The following TTLL12 variants were observed in gnomAD, a reference collection of about 807,000 sequenced individuals.
TTLL12 encodes the protein tubulin tyrosine ligase like 12, also known as tubulin--tyrosine ligase-like protein 12.
A neutral mutation model predicts 79.6 loss-of-function variants in TTLL12; 77 were observed. The observed-to-expected ratio is 0.97, with a 90% CI of 0.81 to 1.17. The LOEUF is 1.17. Among genes scored for constraint, TTLL12 ranks in the 50% most tolerant of loss-of-function variants. The probability of loss-of-function intolerance (pLI) is 0.00; values close to 1 mark genes in which losing one functional copy is unlikely to be tolerated. For synonymous variants in TTLL12, 437 were observed against 376.1 expected (o/e 1.16, Z -1.87); for missense variants, 969 against 895.9 (o/e 1.08, Z -1.04).
At position 43,169,585 on chromosome 22, in the gene TTLL12, G is replaced by A. The variant is rs1931711229; in HGVS notation, c.1576-17C>T. 3 of 1,612,592 alleles carry A rather than the reference G, an allele frequency of 1.9e-6. No homozygotes were observed. Among genetic ancestry groups the A allele is most frequent in the Non-Finnish European group, 1.7e-6 (2 of 1,179,366 alleles). On this transcript the variant is annotated splice_polypyrimidine_tract_variant and intron_variant, in intron 11 of 13. Transcript: ENST00000216129. ...ACAGTGCACCTGCAACAGACACAGG[G>A]CCCATCACGCTCTGTACAGGCCTCC...
rs756238086 is a variant in TTLL12 at position 43,172,403 on chromosome 22, C to T, written c.1493G>A (p.Arg498Gln). The part of the protein sequence containing the change: ...YDVFWLRFSN[R>Q]AFALNDLDDY... ...TGGACCCAGCCGGCCCTCCACTTAC[C>T]GGTTGGAGAACCGCAGCCAGAACAC... Residue 498 changes from arginine (R) to glutamine (Q), a missense_variant and splice_region_variant, in exon 10 of 14, where the codon CGG becomes CAG. Transcript: ENST00000216129. 7.4e-6 allele frequency: 12 copies of T among 1,613,888 alleles called. No homozygotes were observed. In the African/African-American group the frequency reaches 8.0e-5, roughly 11 times the overall value.
chr22:43,178,478 C>T (rs543734542), intron 5 of TTLL12, among the ~76,000 whole-genome samples: 10 of 152,232 alleles, frequency 6.6e-5, no homozygotes, highest in East Asian at 1.9e-4. Context: ...CCCGCCACCA[C>T]GCCCAGCTAA....
chr22:43,167,703 A>C lies in TTLL12; in HGVS notation c.*305T>G. The C allele has an allele frequency of 3.8e-6, 1 of 262,654 alleles. No homozygotes were observed. The highest frequency in any genetic ancestry group is 7.3e-6 in the Non-Finnish European group (1 of 137,452). 16.3% of individuals were successfully genotyped at this position (262,654 alleles called of 1,614,324 possible). On this transcript the variant is annotated 3_prime_UTR_variant, in exon 14 of 14. Coordinates refer to ENST00000216129, the MANE Select transcript of TTLL12 (RefSeq NM_015140.4). The stretch of plus-strand genomic sequence containing the variant: ...CAGGAACAAATTCTCCATGCCAGGA[A>C]CAAAGCCCTTGGCTAAACTGGAGAC...
chr22:43,181,119 G>C (rs545088391), intron 2 of TTLL12, among the ~76,000 whole-genome samples, 179 bp from the exon 3 acceptor site: 3 of 152,128 alleles, frequency 2.0e-5, no homozygotes, highest in Non-Finnish European at 4.4e-5. Context: ...AGGTGCTGGC[G>C]CTGCTGCTCA....
intron 2 of TTLL12, among the ~76,000 whole-genome samples, chr22:43,181,304 A>T (rs940984935): frequency 2.6e-5 from 4 of 152,274 alleles, no homozygotes; most frequent in African/African-American, 7.2e-5. Context: ...CACTAGCGTG[A>T]AGTCCTCAAC....
rs47340 is a variant in TTLL12, at chr22:43,166,823, G to T, written c.*1185C>A. 65,062 of 176,574 alleles carry T rather than the reference G, an allele frequency of 0.37. 12,756 individuals carry two copies. Among genetic ancestry groups the T allele is most frequent in the Middle Eastern group, 0.44 (154 of 348 alleles). The allele number at this position is 176,574 out of a possible 1,614,324, so 10.9% of individuals were successfully genotyped here. On this transcript the variant is annotated 3_prime_UTR_variant, in exon 14 of 14. Transcript: ENST00000216129. ...ACAGAGAGGAGAGGCAGCATCATCA[G>T]GTGCAGCTTTGCTACAAGAAAGATA...
rs1375926894 is a variant in TTLL12, at chr22:43,166,950, A to G, written c.*1058T>C. On this transcript the variant is annotated 3_prime_UTR_variant, in exon 14 of 14. Coordinates refer to ENST00000216129, the MANE Select transcript of TTLL12 (RefSeq NM_015140.4). ...CTCGCCTGCCTGGGCAGTTAGGTCC[A>G]CCCACTGCCCGTGAGCTGGGCCCAG... 1 of 307,312 alleles carries G rather than the reference A, an allele frequency of 3.3e-6. No homozygotes were observed. The highest frequency in any genetic ancestry group is 2.2e-5 in the African/African-American group (1 of 45,680). 19.0% of individuals were successfully genotyped at this position (307,312 alleles called of 1,614,324 possible).
Position 43,168,015 on chromosome 22 carries a change from AG to A in TTLL12, c.1927del (p.Val644SerfsTer38). 1.9e-6 allele frequency: 3 copies of A among 1,613,816 alleles called. No homozygotes were observed. The highest frequency in any genetic ancestry group is 2.5e-6 in the Non-Finnish European group (3 of 1,179,832). On this transcript the variant is annotated frameshift_variant, in exon 14 of 14. Coordinates refer to ENST00000216129, the MANE Select transcript of TTLL12 (RefSeq NM_015140.4). LOFTEE classifies it high-confidence loss of function. ...DQPGGCHVTC[L>X]V ...TTTGGGGACAGCGAGTGCCTAGACA[AG>A]GCAGGTAACGTGGCAGCCACCGGGC...
chr22:43,181,412 C>T (rs940583406), intron 2 of TTLL12, among the ~76,000 whole-genome samples: 9 of 152,246 alleles, frequency 5.9e-5, no homozygotes, highest in Non-Finnish European at 1.0e-4. Context: ...AGGCCCTACA[C>T]GCCAGAGGCC....
intron 11 of TTLL12, chr22:43,169,793 G>C: frequency 3.2e-6 from 2 of 631,206 alleles, no homozygotes; most frequent in East Asian, 3.2e-5. Context: ...CTCTGAGCCT[G>C]TTTCCTCCTC....
At position 43,168,022 on chromosome 22, in the gene TTLL12, T is replaced by C; in HGVS notation, c.1921A>G (p.Thr641Ala). The C allele has an allele frequency of 6.2e-7, 1 of 1,613,818 alleles. No individual in the cohort carries two copies. Among genetic ancestry groups the C allele is most frequent in the Non-Finnish European group, 8.5e-7 (1 of 1,179,854 alleles). Residue 641 changes from threonine to alanine, a missense_variant, in exon 14 of 14, where the codon ACC becomes GCC. By Grantham distance (58) the Thr-to-Ala change is moderately conservative. Transcript: ENST00000216129. ...ACAGCGAGTGCCTAGACAAGGCAGG[T>C]AACGTGGCAGCCACCGGGCTGGTCC... ...FLDQPGGCHV[T>A]CLV
At chr22:43,174,444 G>C in intron 7 of TTLL12, 41 bp from the exon 8 acceptor site, 1 of 1,567,116 alleles carries the variant, frequency 6.4e-7, no homozygotes, top group Non-Finnish European at 8.7e-7. Context: ...AGGGGAGGCC[G>C]GCAGTGCCTA....
Position 43,173,847 on chromosome 22 carries a change from C to G in TTLL12, c.1230-21G>C, listed in dbSNP as rs761003993. ...CGCCCCTGGGGAGCAGAAGGGCTGT[C>G]TGGGGGGCGCCTGGGGCCTGTGTTC... On this transcript the variant is annotated intron_variant, in intron 8 of 13. Transcript: ENST00000216129. 24 of 1,594,066 alleles carry G rather than the reference C, an allele frequency of 1.5e-5. No homozygotes were observed. The South Asian group carries it at 2.7e-4, about 18-fold the overall frequency.
Position 43,167,158 on chromosome 22 carries a change from T to C in TTLL12, c.*850A>G, listed in dbSNP as rs1017415456. 2.8e-5 allele frequency: 15 copies of C among 530,386 alleles called. No individual in the cohort carries two copies. Among genetic ancestry groups the C allele is most frequent in the Non-Finnish European group, 5.0e-5 (13 of 258,532 alleles). The allele number at this position is 530,386 out of a possible 1,614,324, so 32.9% of individuals were successfully genotyped here. A position where few individuals can be genotyped will look rare whatever the true frequency, so the allele number is the denominator to read the frequency against. On this transcript the variant is annotated 3_prime_UTR_variant, in exon 14 of 14. Transcript: ENST00000216129. ...ACCTGAAGTTCTCATTGGAATCCTTTTCTGTCTGGCGCTCCACCGCCCACA... is the reference window on the plus strand; with the variant it reads ...ACCTGAAGTTCTCATTGGAATCCTTCTCTGTCTGGCGCTCCACCGCCCACA...
intron 12 of TTLL12, among the ~76,000 whole-genome samples, 179 bp from the exon 13 acceptor site, chr22:43,169,091 G>A (rs1241756059): frequency 3.9e-5 from 6 of 152,238 alleles, no homozygotes; most frequent in African/African-American, 4.8e-5. Flanking sequence ...TACTCCTGAC[G>A]CCCACCTTCT....
chr22:43,176,861 C>T lies in TTLL12; in HGVS notation c.841-465G>A, dbSNP rs542712538. On this transcript the variant is annotated intron_variant, in intron 5 of 13. Coordinates refer to ENST00000216129, the MANE Select transcript of TTLL12 (RefSeq NM_015140.4). ...CAACACCCCAAAGCCTCTAACCACC[C>T]CCCTCACCCCAGGATTCTGGGGCTC... 2.6e-5 allele frequency among the ~76,000 whole-genome samples: 4 copies of T among 152,320 alleles called. No individual in the cohort carries two copies. The East Asian group carries it at 7.7e-4, about 29-fold the overall frequency.
chr22:43,185,600 A>T (rs1159749395), intron 1 of TTLL12, among the ~76,000 whole-genome samples: 1 of 152,134 alleles, frequency 6.6e-6, no homozygotes, highest in Non-Finnish European at 1.5e-5. Flanking sequence ...GGGACGTGGC[A>T]CGGTGGCGAC....
chr22:43,172,628 G>A (rs931974466), intron 9 of TTLL12, 74 bp from the exon 10 acceptor site: 28 of 1,556,632 alleles, frequency 1.8e-5, no homozygotes, highest in Middle Eastern at 1.7e-4. Context: ...ACAAAGCCAC[G>A]CAGGGGGCAC....
chr22:43,186,806 C>T (rs1454266799), intron 1 of TTLL12, 87 bp downstream of exon 1: 3 of 1,184,138 alleles, frequency 2.5e-6, no homozygotes, highest in Admixed American at 4.5e-5. Flanking sequence ...TCCCGCCGCC[C>T]GGGAGCGCTC....
Sources: allele counts gnomAD v4.1 joint callset (sites outside exome capture counted in the v4.1 genomes callset), GRCh38; gene constraint gnomAD v4.1.1; transcripts MANE v1.5; gene names NCBI Gene and HGNC (gene_info 2026-07-23, HGNC 2026-07-21).